Variants in ATF1 observed in about 807,000 individuals in gnomAD.
ATF1 encodes the protein cyclic AMP-dependent transcription factor ATF-1.
Under a neutral mutation model 34.7 loss-of-function variants are expected in ATF1, and 16 were observed. The ratio of observed to expected loss-of-function variants is 0.46; its 90% CI spans 0.31 to 0.70. The LOEUF is 0.70. ATF1 is among the 30% of genes least tolerant of loss of function. The probability of loss-of-function intolerance (pLI) is 0.05; values close to 1 mark genes in which losing one functional copy is unlikely to be tolerated. For missense variants in ATF1, 255 were observed against 321.6 expected (o/e 0.79, Z 1.58); for synonymous variants, 105 against 113.1 (o/e 0.93, Z 0.46).
At chr12:50,815,429 A>C (rs942934055) in intron 6 of ATF1, among the ~76,000 whole-genome samples, 2 of 152,110 alleles carry the variant, frequency 1.3e-5, no homozygotes. Context: ...TGTGTCACCC[A>C]CACTGGAGTG....
At chr12:50,772,974 G>A (rs915571544) in intron 1 of ATF1, among the ~76,000 whole-genome samples, 4 of 152,058 alleles carry the variant, frequency 2.6e-5, no homozygotes, top group East Asian at 1.9e-4. Flanking sequence ...ATGTGTCCCC[G>A]TGTTCTCACC....
At chr12:50,782,251 GTTTA>G (rs936267499) in intron 2 of ATF1, among the ~76,000 whole-genome samples, 10 of 140,476 alleles carry the variant, frequency 7.1e-5, no homozygotes, top group African/African-American at 1.0e-4. Context: ...TTGTTTGTTT[GTTTA>G]TTTGTTTGTT....
intron 3 of ATF1, among the ~76,000 whole-genome samples, chr12:50,799,460 T>G (rs1053803181): frequency 1.3e-5 from 2 of 152,092 alleles, no homozygotes; most frequent in African/African-American, 4.8e-5. Context: ...TAGCATAATA[T>G]TCAAAGAGTC....
intron 1 of ATF1, among the ~76,000 whole-genome samples, chr12:50,779,871 T>C (rs1193526042): frequency 6.6e-6 from 1 of 152,204 alleles, no homozygotes; most frequent in Non-Finnish European, 1.5e-5. Flanking sequence ...ACAGGAGGAC[T>C]GTCATCATTC....
intron 2 of ATF1, among the ~76,000 whole-genome samples, chr12:50,794,052 G>A (rs899174992): frequency 2.6e-5 from 4 of 151,778 alleles, no homozygotes; most frequent in South Asian, 4.2e-4. Context: ...CCAGGTTCAC[G>A]CCCTTCTCCT....
In ATF1 at chr12:50,813,696, C is replaced by A. The variant is rs376122376; in HGVS notation, c.329-314C>A. Among the ~76,000 whole-genome samples the A allele has an allele frequency of 8.5e-5, 13 of 152,234 alleles. No homozygotes were observed. The South Asian group carries it at 2.5e-3, about 29-fold the overall frequency. ...GGGCATGGTGGCGCACACCTGTAAT[C>A]CCAGCTCCTTGGGAGGCTGAGGCAC... On this transcript the variant is annotated intron_variant, in intron 4 of 6. Transcript: ENST00000262053.
intron 6 of ATF1, among the ~76,000 whole-genome samples, chr12:50,816,416 C>T (rs1941844029): frequency 6.6e-6 from 1 of 152,066 alleles, no homozygotes; most frequent in African/African-American, 2.4e-5. Context: ...AACCCATACA[C>T]AGTAAGATAA....
chr12:50,794,028 G>A (rs1941359599), intron 2 of ATF1, among the ~76,000 whole-genome samples: 1 of 151,824 alleles, frequency 6.6e-6, no homozygotes, highest in Non-Finnish European at 1.5e-5. Flanking sequence ...TCGGCTTACT[G>A]CAAGCTCCAC....
intron 3 of ATF1, among the ~76,000 whole-genome samples, chr12:50,808,893 C>A (rs1049063235): frequency 6.6e-6 from 1 of 151,888 alleles, no homozygotes; most frequent in Non-Finnish European, 1.5e-5. Flanking sequence ...GCGCCTGCCA[C>A]CATGCCCAGC....
chr12:50,782,404 C>T lies in ATF1; in HGVS notation c.93+2166C>T, dbSNP rs555233046. On this transcript the variant is annotated intron_variant, in intron 2 of 6. Coordinates refer to ENST00000262053, the MANE Select transcript of ATF1 (RefSeq NM_005171.5). ...CCGAGTAGCTGGGACTACAGGCGCC[C>T]GCCACCACGCCCGGCTAATTTTTTG... 1.1e-4 allele frequency among the ~76,000 whole-genome samples: 16 copies of T among 151,720 alleles called. No homozygotes were observed. In the East Asian group the frequency reaches 1.6e-3, roughly 15 times the overall value.
chr12:50,785,289 AC>A (rs1162391736), intron 2 of ATF1, among the ~76,000 whole-genome samples: 1 of 528 alleles, frequency 1.9e-3, no homozygotes, highest in South Asian at 0.083. Context: ...ATACATACAC[AC>A]ACACACACAC....
At position 50,819,626 on chromosome 12, in the gene ATF1, C is replaced by T. The variant is rs760231345; in HGVS notation, c.672-9C>T. 4 of 1,607,804 alleles carry T rather than the reference C, an allele frequency of 2.5e-6. No homozygotes were observed. Among genetic ancestry groups the T allele is most frequent in the South Asian group, 1.1e-5 (1 of 89,088 alleles). On this transcript the variant is annotated splice_polypyrimidine_tract_variant and intron_variant, in intron 6 of 6. Coordinates refer to ENST00000262053, the MANE Select transcript of ATF1 (RefSeq NM_005171.5). ...TTTCTAACATTGTTTTTTTAATGCT[C>T]ATATTTAGAGAAGCTGCTCGAGAAT...
intron 3 of ATF1, among the ~76,000 whole-genome samples, chr12:50,800,827 C>T (rs1444372255): frequency 4.6e-5 from 7 of 152,268 alleles, no homozygotes; most frequent in South Asian, 2.1e-4. Flanking sequence ...TGGCTGGGCG[C>T]GGTGGCTCAT....
chr12:50,814,530 G>A, intron 6 of ATF1, 91 bp downstream of exon 6: 1 of 1,323,070 alleles, frequency 7.6e-7, no homozygotes, highest in Non-Finnish European at 1.0e-6. Context: ...ATACAGTCAT[G>A]GGCTGCATGA....
intron 2 of ATF1, among the ~76,000 whole-genome samples, chr12:50,785,284 TACACACACACACACACACACACACACAC>T (rs56040362): frequency 1.1e-4 from 14 of 128,494 alleles, no homozygotes; most frequent in African/African-American, 2.1e-4. Context: ...TATATATACA[TACACACACACACACACACACACACACAC>T]ACACACACAC....
intron 1 of ATF1, among the ~76,000 whole-genome samples, chr12:50,778,474 C>T (rs560640010): frequency 3.9e-5 from 6 of 152,188 alleles, no homozygotes; most frequent in East Asian, 1.9e-4. Context: ...CCACCCACCT[C>T]GGCCTCCCAA....
chr12:50,778,510 A>T (rs929884669), intron 1 of ATF1, among the ~76,000 whole-genome samples: 2 of 151,974 alleles, frequency 1.3e-5, no homozygotes, highest in African/African-American at 4.8e-5. Context: ...GGCGTGAGCC[A>T]CCGCGCCTGG....
intron 1 of ATF1, among the ~76,000 whole-genome samples, chr12:50,770,063 T>C (rs1940734440): frequency 6.6e-6 from 1 of 152,222 alleles, no homozygotes; most frequent in Non-Finnish European, 1.5e-5. Flanking sequence ...CTATTTACAG[T>C]TCATAGCAAT....
At chr12:50,814,533 C>CCTG in intron 6 of ATF1, 94 bp downstream of exon 6, 1 of 1,286,410 alleles carries the variant, frequency 7.8e-7, no homozygotes, top group Non-Finnish European at 1.1e-6. Context: ...CAGTCATGGG[C>CCTG]TGCATGACAA....
Sources: allele counts gnomAD v4.1 joint callset (sites outside exome capture counted in the v4.1 genomes callset), GRCh38; gene constraint gnomAD v4.1.1; transcripts MANE v1.5; gene names NCBI Gene and HGNC (gene_info 2026-07-23, HGNC 2026-07-21).